Variants in TNNT3 observed in about 807,000 individuals in gnomAD.
The protein encoded by TNNT3 is troponin T3, fast skeletal type.
Under a neutral mutation model 54.2 loss-of-function variants are expected in TNNT3, and 36 were observed. The observed-to-expected ratio is 0.66, with a 90% CI of 0.51 to 0.88. The LOEUF is 0.88. Ranked by LOEUF, TNNT3 falls within the 40% of genes least tolerant of loss-of-function variation. The pLI is 0.00. For missense variants in TNNT3, 291 were observed against 331.6 expected (o/e 0.88, Z 0.95); for synonymous variants, 120 against 109.7 (o/e 1.09, Z -0.59).
At chr11:1,938,307 C>G (rs1042310606) in intron 15 of TNNT3, 131 bp from the exon 16 acceptor site, 4 of 1,002,096 alleles carry the variant, frequency 4.0e-6, no homozygotes, top group Non-Finnish European at 6.3e-6. Flanking sequence ...GGGTGTGGGC[C>G]GCAAGCTTGG....
At chr11:1,936,394 C>T in intron 14 of TNNT3, 1 of 959,788 alleles carries the variant, frequency 1.0e-6, no homozygotes, top group Non-Finnish European at 1.6e-6. Flanking sequence ...CCCCGCTCTC[C>T]CCTCGTGCCT....
Position 1,926,566 on chromosome 11 carries a change from A to G in TNNT3, c.68-129A>G. 3 of 1,608,526 alleles carry G rather than the reference A, an allele frequency of 1.9e-6. No individual in the cohort carries two copies. In the Middle Eastern group the frequency reaches 5.0e-4, roughly 266 times the overall value. On this transcript the variant is annotated intron_variant, in intron 5 of 15. Transcript: ENST00000278317. ...CAAGAAGGAACAAGAGGGGCCGCGT[A>G]ACCCTGCACAGCCTGGCCTGCTCGC...
At chr11:1,930,730 G>C (rs10466507) in intron 8 of TNNT3, among the ~76,000 whole-genome samples, 21,770 of 152,104 alleles carry the variant, frequency 0.14, 2,045 homozygotes, top group East Asian at 0.4. Flanking sequence ...ACATCTGAAG[G>C]GTACAGCCGG....
chr11:1,929,893 T>A, intron 8 of TNNT3, 65 bp downstream of exon 8: 1 of 1,534,116 alleles, frequency 6.5e-7, no homozygotes, highest in Non-Finnish European at 8.8e-7. Flanking sequence ...GTCAAGTGAG[T>A]GTGGGGTCCT....
At chr11:1,930,365 A>C (rs962694473) in intron 8 of TNNT3, among the ~76,000 whole-genome samples, 1 of 152,148 alleles carries the variant, frequency 6.6e-6, no homozygotes, top group African/African-American at 2.4e-5. Context: ...AAGTGGAGAA[A>C]GGTGGGGGAC....
At chr11:1,931,121 A>G (rs1853230335) in intron 8 of TNNT3, among the ~76,000 whole-genome samples, 1 of 152,152 alleles carries the variant, frequency 6.6e-6, no homozygotes, top group South Asian at 2.1e-4. Context: ...CCATGTTTTT[A>G]CACAGTCTTC....
intron 15 of TNNT3, among the ~76,000 whole-genome samples, chr11:1,937,368 TC>T (rs1855436310): frequency 6.6e-6 from 1 of 152,086 alleles, no homozygotes; most frequent in Admixed American, 6.5e-5. Context: ...CCCCAGGGTA[TC>T]CCGCCAGTGT....
chr11:1,937,783 AG>A (rs564408217), intron 15 of TNNT3, among the ~76,000 whole-genome samples: 108 of 152,304 alleles, frequency 7.1e-4, no homozygotes, highest in Non-Finnish European at 1.2e-3. Context: ...TTGTGCCGTC[AG>A]GGGTCATTGC....
intron 14 of TNNT3, among the ~76,000 whole-genome samples, chr11:1,936,666 C>A (rs548191728): frequency 5.3e-5 from 8 of 152,236 alleles, no homozygotes; most frequent in African/African-American, 1.7e-4. Context: ...CCGTACCCCC[C>A]GCCCCACATC....
intron 7 of TNNT3, among the ~76,000 whole-genome samples, 197 bp downstream of exon 7, chr11:1,929,340 C>T (rs527828554): frequency 6.6e-6 from 1 of 152,284 alleles, no homozygotes; most frequent in South Asian, 2.1e-4. Context: ...GCCAGGGCCT[C>T]GCGGGTGCCA....
intron 7 of TNNT3, 56 bp downstream of exon 7, chr11:1,929,199 G>A (rs1852552879): frequency 1.3e-6 from 2 of 1,599,152 alleles, no homozygotes; most frequent in Non-Finnish European, 1.7e-6. Flanking sequence ...GCCGACGCGA[G>A]GGAAAGAGGA....
chr11:1,922,660 C>T, intron 1 of TNNT3, 197 bp from the exon 2 acceptor site: 1 of 626,306 alleles, frequency 1.6e-6, no homozygotes, highest in South Asian at 1.8e-5. Flanking sequence ...GCGCCAAGAG[C>T]TGGGAGGGGC....
intron 1 of TNNT3, 35 bp downstream of exon 1, chr11:1,919,797 G>A (rs905337465): frequency 1.4e-4 from 21 of 152,266 alleles, no homozygotes; most frequent in African/African-American, 4.8e-4. Context: ...CCAGGACTGG[G>A]GCCGACGGGG....
intron 3 of TNNT3, 71 bp from the exon 4 acceptor site, chr11:1,923,484 C>T (rs1423468732): frequency 3.9e-6 from 6 of 1,554,814 alleles, no homozygotes; most frequent in Non-Finnish European, 5.3e-6. Context: ...ACACTGGCCT[C>T]TCATCCTCCT....
Position 1,923,558 on chromosome 11 carries a change from A to C in TNNT3, c.35A>C (p.Gln12Pro). ...TCTTTGTTCTGTCCCAATGCAGAGC[A>C]GTACGAAGAAGAAGGTAATTCTGGC... ...SDEEVEQVEE[Q>P]YEEEEEAQEE... Residue 12 changes from glutamine (Q) to proline (P), a missense_variant, in exon 4 of 16, where the codon CAG becomes CCG. Coordinates refer to ENST00000278317, the MANE Select transcript of TNNT3 (RefSeq NM_006757.4). 1 of 1,613,980 alleles carries C rather than the reference A, an allele frequency of 6.2e-7. No homozygotes were observed. The highest frequency in any genetic ancestry group is 2.2e-5 in the East Asian group (1 of 44,858).
chr11:1,928,922 C>A, intron 6 of TNNT3, 198 bp from the exon 7 acceptor site: 4 of 650,788 alleles, frequency 6.1e-6, no homozygotes, highest in Non-Finnish European at 8.4e-6. Flanking sequence ...CCAGCCCCTT[C>A]CACCCCCTCC....
At position 1,925,062 on chromosome 11, in the gene TNNT3, C is replaced by T. The variant is rs199566772; in HGVS notation, c.50-37C>T. The T allele has an allele frequency of 3.0e-5, 48 of 1,611,574 alleles. No homozygotes were observed. The African/African-American group carries it at 6.0e-4, about 20-fold the overall frequency. ...GTCTCTGTTCCCTGTCTCCCTCAAC[C>T]CCGCCTTCTCCTGCTCCTGGCTTCT... is the stretch of plus-strand genomic sequence containing the variant. On this transcript the variant is annotated intron_variant, in intron 4 of 15. Coordinates refer to ENST00000278317, the MANE Select transcript of TNNT3 (RefSeq NM_006757.4).
intron 1 of TNNT3, chr11:1,921,759 C>G (rs985978701): frequency 5.3e-5 from 8 of 152,202 alleles, no homozygotes; most frequent in Non-Finnish European, 8.8e-5. Flanking sequence ...ACAACACTCC[C>G]AGGGGGGACC....
At chr11:1,934,180 C>A in intron 11 of TNNT3, 152 bp from the exon 12 acceptor site, 1 of 1,053,376 alleles carries the variant, frequency 9.5e-7, no homozygotes, top group East Asian at 2.6e-5. Context: ...AAAACAAATC[C>A]TGGCCAAGAC....
Sources: gnomAD v4.1 joint callset for allele counts (sites outside exome capture counted in the v4.1 genomes callset) on GRCh38, gnomAD v4.1.1 for gene constraint, MANE v1.5 for transcripts, NCBI Gene and HGNC (gene_info 2026-07-23, HGNC 2026-07-21) for gene names.